The following KIFC3 variants were observed in gnomAD, a reference collection of about 807,000 sequenced individuals.
KIFC3 encodes kinesin family member C3, also known as kinesin-like protein KIFC3.
In KIFC3, 60 loss-of-function variants were observed where a neutral mutation model predicts 101.8. The ratio of observed to expected loss-of-function variants is 0.59; its 90% confidence interval spans 0.48 to 0.73. The LOEUF is 0.73. Ranked by LOEUF, KIFC3 falls within the 30% of genes least tolerant of loss-of-function variation. The pLI is 0.00. For synonymous variants in KIFC3, 476 were observed against 482.7 expected (o/e 0.99, Z 0.18); for missense variants, 966 against 1,137.1 (o/e 0.85, Z 2.16).
At chr16:57,758,987 G>GGGA in intron 19 of KIFC3, 78 bp from the exon 20 acceptor site, 1 of 1,540,402 alleles carries the variant, frequency 6.5e-7, no homozygotes, top group African/African-American at 1.4e-5. Context: ...GAGAGCAGGA[G>GGGA]GGAACCCAGC....
chr16:57,777,483 G>C (rs1320842226), intron 3 of KIFC3, among the ~76,000 whole-genome samples: 1 of 152,234 alleles, frequency 6.6e-6, no homozygotes, highest in Non-Finnish European at 1.5e-5. Flanking sequence ...CACTTTGGGA[G>C]GCCGAGGCAG....
At chr16:57,829,775 C>T (rs2055535958) in intron 1 of KIFC3, among the ~76,000 whole-genome samples, 3 of 152,212 alleles carry the variant, frequency 2.0e-5, no homozygotes, top group African/African-American at 4.8e-5. Context: ...GAGTTGACGT[C>T]TGTCCTTGGA....
chr16:57,785,674 C>G, intron 3 of KIFC3: 1 of 1,229,122 alleles, frequency 8.1e-7, no homozygotes, highest in Non-Finnish European at 1.0e-6. Context: ...CACCTACGAG[C>G]AAAGTAGTGG....
chr16:57,775,147 T>C, intron 3 of KIFC3: 1 of 1,372,128 alleles, frequency 7.3e-7, no homozygotes. Context: ...TGGGGGCTCC[T>C]GGGCTCTGTC....
intron 3 of KIFC3, among the ~76,000 whole-genome samples, chr16:57,773,411 C>T (rs1185267793): frequency 6.6e-6 from 1 of 152,338 alleles, no homozygotes; most frequent in African/African-American, 2.4e-5. Flanking sequence ...TGAGAACGCA[C>T]ACCCAGCATC....
intron 1 of KIFC3, among the ~76,000 whole-genome samples, chr16:57,814,452 C>T (rs1162439703): frequency 6.6e-6 from 1 of 152,176 alleles, no homozygotes; most frequent in African/African-American, 2.4e-5. Flanking sequence ...TCAGTTTCCT[C>T]ATTAACAGGT....
intron 3 of KIFC3, among the ~76,000 whole-genome samples, chr16:57,782,895 G>A (rs574281956): frequency 5.7e-4 from 87 of 152,332 alleles, no homozygotes; most frequent in South Asian, 1.2e-3. Flanking sequence ...GCAGTGAGCC[G>A]AGATTGCGCC....
At chr16:57,805,671 G>GA (rs1555626782), upstream of KIFC3, among the ~76,000 whole-genome samples, 1 of 122,400 alleles carries the variant, frequency 8.2e-6, no homozygotes, top group Non-Finnish European at 1.7e-5. Context: ...TATGCCCATA[G>GA]ACTTTTTTTT....
chr16:57,815,572 A>G, intron 1 of KIFC3: 1 of 1,289,622 alleles, frequency 7.8e-7, no homozygotes, highest in South Asian at 1.2e-5. Context: ...TGCCTTAGTC[A>G]CCCTCACCAG....
At position 57,761,108 on chromosome 16, in the gene KIFC3, G is replaced by T; in HGVS notation, c.1936C>A (p.Arg646Ser). 1 of 1,613,944 alleles carries T rather than the reference G, an allele frequency of 6.2e-7. No individual in the cohort carries two copies. The highest frequency in any genetic ancestry group is 8.5e-7 in the Non-Finnish European group (1 of 1,179,990). The change falls in exon 15 of 20, where the codon CGC becomes AGC. Residue 646 changes from arginine (R) to serine (S), a missense_variant. By Grantham distance (110) the Arg-to-Ser change is moderately radical (BLOSUM62 -1). Around this residue, in one of 2 missense-constraint regions of KIFC3, gnomAD observed 689 missense variants for 884.6 expected, o/e 0.78. Coordinates refer to ENST00000445690, the MANE Select transcript of KIFC3 (RefSeq NM_001130100.2). The stretch of plus-strand genomic sequence containing the variant: ...GTCACGATGAGCAGCGCGTGCGAGC[G>T]GGAGCTGTGCTCGTTCAGGTTGGTG... The part of the protein sequence containing the change: ...EFTNLNEHSS[R>S]SHALLIVTVR...
intron 1 of KIFC3, among the ~76,000 whole-genome samples, chr16:57,824,519 C>CA (rs1406633167): frequency 5.7e-4 from 86 of 152,012 alleles, no homozygotes; most frequent in Admixed American, 5.4e-3. Context: ...CCTGTCCCTA[C>CA]AAAAAATACA....
At chr16:57,839,804 T>A (rs992800767) in intron 1 of KIFC3, among the ~76,000 whole-genome samples, 1 of 150,492 alleles carries the variant, frequency 6.6e-6, no homozygotes, top group Non-Finnish European at 1.5e-5. Context: ...TTTTAGTGAT[T>A]TTTTCCCCCC....
chr16:57,785,553 G>A (rs1217058829), intron 3 of KIFC3: 3 of 1,288,684 alleles, frequency 2.3e-6, no homozygotes, highest in South Asian at 1.2e-5. Flanking sequence ...TCCTGTAGCT[G>A]GGTCTTCTCG....
chr16:57,758,770 G>GGAGAC lies in KIFC3; in HGVS notation c.*159_*163dup, dbSNP rs1567913979. The GGAGAC allele has an allele frequency of 1.8e-6, 2 of 1,085,892 alleles. No individual in the cohort carries two copies. Among genetic ancestry groups the GGAGAC allele is most frequent in the East Asian group, 4.7e-5 (2 of 42,520 alleles). The allele number at this position is 1,085,892 out of a possible 1,614,324, so 67.3% of individuals were successfully genotyped here. A position where few individuals can be genotyped will look rare whatever the true frequency, so the allele number is the denominator to read the frequency against. On this transcript the variant is annotated 3_prime_UTR_variant, in exon 20 of 20. Transcript: ENST00000445690. Reference sequence around the variant, plus strand: ...CTGAACATGTTTCTCATCTTTGAGGGGAGACGGGGCAGAAGAAGAGCCTCC... The same window carrying GGAGAC: ...CTGAACATGTTTCTCATCTTTGAGGGGAGACGAGACGGGGCAGAAGAAGAGCCTCC...
rs1479735516 is a variant in KIFC3, at chr16:57,802,264, G to T, written c.-40+106C>A. 1.6e-5 allele frequency: 9 copies of T among 546,132 alleles called. No homozygotes were observed. Among genetic ancestry groups the T allele is most frequent in the African/African-American group, 4.1e-5 (2 of 48,794 alleles). The allele number at this position is 546,132 out of a possible 1,614,324, so 33.8% of individuals were successfully genotyped here. On this transcript the variant is annotated intron_variant, in intron 1 of 19. Coordinates refer to ENST00000445690, the MANE Select transcript of KIFC3 (RefSeq NM_001130100.2). The surrounding 1 kb of genome is among the most constrained non-coding windows in gnomAD (Gnocchi z 5.0). Reference sequence around the variant, plus strand: ...CCCGCGCCCATAGCGGGTCCGGGCAGAGGGGTCCCGAGGGCAGGGCCGGCC... The same window carrying T: ...CCCGCGCCCATAGCGGGTCCGGGCATAGGGGTCCCGAGGGCAGGGCCGGCC...
intron 1 of KIFC3, among the ~76,000 whole-genome samples, chr16:57,861,443 C>T (rs1474592930): frequency 1.3e-5 from 2 of 152,202 alleles, no homozygotes; most frequent in Non-Finnish European, 2.9e-5. Context: ...CTTTCCTTCT[C>T]TCACTGCACA....
intron 3 of KIFC3, chr16:57,775,255 C>T: frequency 7.7e-7 from 1 of 1,305,252 alleles, no homozygotes; most frequent in Non-Finnish European, 9.7e-7. Context: ...GGAAGGGGCT[C>T]TAAAGGCCCC....
chr16:57,815,311 T>G, intron 1 of KIFC3: 1 of 517,636 alleles, frequency 1.9e-6, no homozygotes, highest in Non-Finnish European at 2.7e-6. Flanking sequence ...GGCAGAATTG[T>G]GCTCATTTGT....
intron 3 of KIFC3, chr16:57,774,752 C>T (rs1301542781): frequency 1.9e-5 from 12 of 628,080 alleles, no homozygotes; most frequent in Admixed American, 8.2e-5. Context: ...GCCTTGAATT[C>T]CTGGCCTCAA....
Sources: gnomAD v4.1 joint callset for allele counts (sites outside exome capture counted in the v4.1 genomes callset) on GRCh38, gnomAD v4.1.1 for gene constraint, gnomAD v4.1.1 regional missense constraint, Gnocchi (gnomAD v3.1) non-coding constraint, MANE v1.5 for transcripts, NCBI Gene and HGNC (gene_info 2026-07-23, HGNC 2026-07-21) for gene names.